The following VAV3 variants were observed in gnomAD, a reference collection of about 807,000 sequenced individuals.
VAV3 encodes the protein vav guanine nucleotide exchange factor 3, also known as guanine nucleotide exchange factor VAV3.
Under a neutral mutation model 131.2 loss-of-function variants are expected in VAV3, and 94 were observed. The ratio of observed to expected loss-of-function variants is 0.72; its 90% CI spans 0.61 to 0.85. The LOEUF is 0.85. Ranked by LOEUF, VAV3 falls within the 40% of genes least tolerant of loss-of-function variation. VAV3 has a pLI of 0.00. For missense variants in VAV3, 939 were observed against 1,002.7 expected (o/e 0.94, Z 0.86); for synonymous variants, 349 against 342.0 (o/e 1.02, Z -0.22).
chr1:107,687,560 G>T (rs1659121460), intron 18 of VAV3, among the ~76,000 whole-genome samples: 1 of 152,036 alleles, frequency 6.6e-6, no homozygotes, highest in Non-Finnish European at 1.5e-5. Flanking sequence ...ATGGCCATTT[G>T]TGGGGAGGGG....
At chr1:107,575,023 G>A (rs1241912257) in intron 25 of VAV3, among the ~76,000 whole-genome samples, 6 of 42,522 alleles carry the variant, frequency 1.4e-4, no homozygotes, top group African/African-American at 2.5e-4. Context: ...GCGCACACGC[G>A]CGCGTGTTTA....
At chr1:107,629,588 A>T (rs1654296367) in intron 20 of VAV3, among the ~76,000 whole-genome samples, 1 of 152,190 alleles carries the variant, frequency 6.6e-6, no homozygotes, top group Non-Finnish European at 1.5e-5. Flanking sequence ...CTTGAAGGCA[A>T]TTTTATAGAG....
chr1:107,907,609 A>C (rs1672165990), intron 1 of VAV3, among the ~76,000 whole-genome samples: 1 of 152,130 alleles, frequency 6.6e-6, no homozygotes. Context: ...TTACCACGAC[A>C]GTAGTTGTCA....
chr1:107,744,072 C>T (rs1012341835), intron 15 of VAV3, among the ~76,000 whole-genome samples: 2 of 152,164 alleles, frequency 1.3e-5, no homozygotes, highest in African/African-American at 4.8e-5. Flanking sequence ...CCTCTCAGGG[C>T]TCATTCTGGG....
chr1:107,740,265 C>T lies in VAV3; in HGVS notation c.1502+8703G>A, dbSNP rs963112237. ...TCGCGCCACTGTACTCTAGGCTGGG[C>T]GACAGAGCAAGACTCCATCTCAAAA... On this transcript the variant is annotated intron_variant, in intron 15 of 26. Transcript: ENST00000370056. Among the ~76,000 whole-genome samples the T allele has an allele frequency of 4.0e-5, 6 of 148,426 alleles. No individual in the cohort carries two copies. The South Asian group carries it at 6.5e-4, about 16-fold the overall frequency.
intron 1 of VAV3, among the ~76,000 whole-genome samples, chr1:107,915,417 C>T (rs749110044): frequency 1.3e-5 from 2 of 152,074 alleles, no homozygotes; most frequent in Non-Finnish European, 2.9e-5. Flanking sequence ...ACTATCACCC[C>T]CATGTGATTT....
chr1:107,707,844 A>C (rs1163837753), intron 15 of VAV3, among the ~76,000 whole-genome samples: 1 of 152,188 alleles, frequency 6.6e-6, no homozygotes, highest in African/African-American at 2.4e-5. Context: ...AGGGTTGGGA[A>C]AGTAGATTGC....
chr1:107,617,427 G>T, intron 21 of VAV3, 140 bp downstream of exon 21: 1 of 672,946 alleles, frequency 1.5e-6, no homozygotes, highest in Non-Finnish European at 2.4e-6. Flanking sequence ...CTATAATGAT[G>T]TTGAAAATAA....
intron 17 of VAV3, among the ~76,000 whole-genome samples, chr1:107,693,582 G>C (rs12039221): frequency 0.16 from 23,783 of 152,016 alleles, 2,039 homozygotes; most frequent in South Asian, 0.26. Context: ...CATCCAAAAA[G>C]GGCTAACTTG....
chr1:107,891,541 A>C lies in VAV3; in HGVS notation c.205-16524T>G, dbSNP rs185366431. 1.0e-3 allele frequency among the ~76,000 whole-genome samples: 158 copies of C among 152,232 alleles called. 1 individual carries two copies. The highest frequency in any genetic ancestry group is 2.8e-3 in the Admixed American group (43 of 15,280). On this transcript the variant is annotated intron_variant, in intron 1 of 26. Coordinates refer to ENST00000370056, the MANE Select transcript of VAV3 (RefSeq NM_006113.5). ...AGGAGGTAACTTAGTGTAGTCATTA[A>C]GAAAGGGCTCAGTTGGGGTGGGCAC...
Position 107,883,472 on chromosome 1 carries a change from G to A in VAV3, c.205-8455C>T, listed in dbSNP as rs974277038. Reference sequence around the variant, plus strand: ...ATCTCTAGGAAAAATTAAATGCAACGATTCCTTAGTAGTCAGGGAACTCAG... The same window carrying A: ...ATCTCTAGGAAAAATTAAATGCAACAATTCCTTAGTAGTCAGGGAACTCAG... On this transcript the variant is annotated intron_variant, in intron 1 of 26. Transcript: ENST00000370056. Among the ~76,000 whole-genome samples the A allele has an allele frequency of 4.6e-5, 7 of 152,208 alleles. No homozygotes were observed. In the South Asian group the frequency reaches 1.2e-3, roughly 27 times the overall value.
chr1:107,916,560 A>T (rs755385764), intron 1 of VAV3, among the ~76,000 whole-genome samples: 1 of 152,262 alleles, frequency 6.6e-6, no homozygotes, highest in Non-Finnish European at 1.5e-5. Flanking sequence ...ATACCTATCA[A>T]GTAATTTACA....
At chr1:107,695,142 C>T (rs941782844) in intron 17 of VAV3, among the ~76,000 whole-genome samples, 3 of 151,952 alleles carry the variant, frequency 2.0e-5, no homozygotes, top group Non-Finnish European at 4.4e-5. Flanking sequence ...TAAAGAGAGT[C>T]GTGTTATAGG....
At chr1:107,730,455 G>A (rs1252712845) in intron 15 of VAV3, among the ~76,000 whole-genome samples, 1 of 152,110 alleles carries the variant, frequency 6.6e-6, no homozygotes, top group East Asian at 1.9e-4. Context: ...ATAACTGGGA[G>A]AAGAAAACAC....
intron 1 of VAV3, among the ~76,000 whole-genome samples, chr1:107,903,341 TA>T (rs1321390832): frequency 6.6e-6 from 1 of 152,202 alleles, no homozygotes; most frequent in African/African-American, 2.4e-5. Flanking sequence ...AACACAGCTA[TA>T]AAAAATATCA....
In VAV3 at chr1:107,923,152, A is replaced by G. The variant is rs1003829977; in HGVS notation, c.204+41514T>C. Among the ~76,000 whole-genome samples, 5 of 151,992 alleles carry G rather than the reference A, an allele frequency of 3.3e-5. No homozygotes were observed. In the East Asian group the frequency reaches 9.7e-4, roughly 29 times the overall value. On this transcript the variant is annotated intron_variant, in intron 1 of 26. Coordinates refer to ENST00000370056, the MANE Select transcript of VAV3 (RefSeq NM_006113.5). Reference sequence around the variant, plus strand: ...AGCATCTACCAATCTGCTCTGTGTCATTATAAGTTAAATTGCCTTTTCTAA... The same window carrying G: ...AGCATCTACCAATCTGCTCTGTGTCGTTATAAGTTAAATTGCCTTTTCTAA...
intron 17 of VAV3, among the ~76,000 whole-genome samples, chr1:107,689,255 T>TAC (rs1659250426): frequency 6.6e-6 from 1 of 152,116 alleles, no homozygotes; most frequent in African/African-American, 2.4e-5. Context: ...CCCAGGCCTA[T>TAC]ACCTTCCCCA....
At chr1:107,919,117 G>A (rs1435219385) in intron 1 of VAV3, among the ~76,000 whole-genome samples, 25 of 152,070 alleles carry the variant, frequency 1.6e-4, no homozygotes, top group Admixed American at 1.6e-3. Context: ...ACAAATCAAT[G>A]ACTTGAAATA....
In VAV3 at chr1:107,611,241, G is replaced by A. The variant is rs1026833540; in HGVS notation, c.1981-1276C>T. ...CATTTCAGATGTCAGATTTTCAAAT[G>A]AGGAATACTCAAACTGTATCAAAAA... On this transcript the variant is annotated intron_variant, in intron 21 of 26. Transcript: ENST00000370056. Among the ~76,000 whole-genome samples the A allele has an allele frequency of 3.3e-5, 5 of 152,162 alleles. No homozygotes were observed. The East Asian group carries it at 7.7e-4, about 23-fold the overall frequency.
Sources: gnomAD v4.1 joint callset for allele counts (sites outside exome capture counted in the v4.1 genomes callset) on GRCh38, gnomAD v4.1.1 for gene constraint, MANE v1.5 for transcripts, NCBI Gene and HGNC (gene_info 2026-07-23, HGNC 2026-07-21) for gene names.